Variants in MED31 observed in about 807,000 individuals in gnomAD.
MED31 encodes mediator of RNA polymerase II transcription subunit 31.
Under a neutral mutation model 22.0 loss-of-function variants are expected in MED31, and 11 were observed. The observed-to-expected ratio is 0.50, with a 90% CI of 0.31 to 0.83. The LOEUF is 0.83. MED31 is among the 40% of genes least tolerant of loss of function. MED31 has a pLI of 0.04. For missense variants in MED31, 122 were observed against 155.3 expected, an observed-to-expected ratio of 0.79 and a Z score of 1.14; for synonymous variants, 60 against 55.1, an observed-to-expected ratio of 1.09 and a Z score of -0.40.
At position 6,648,364 on chromosome 17, in the gene MED31, T is replaced by C. The variant is rs74852178; in HGVS notation, c.203+1618A>G. Among the ~76,000 whole-genome samples, 585 of 152,252 alleles carry C rather than the reference T, an allele frequency of 3.8e-3. 6 individuals are homozygous for C. The highest frequency in any genetic ancestry group is 0.013 in the African/African-American group (550 of 41,544). ...TTGAGAAAAATAGATGGAAGAGAGATGTTATAGTGGCACCTACTGGCTATC... is the reference window on the plus strand; with the variant it reads ...TTGAGAAAAATAGATGGAAGAGAGACGTTATAGTGGCACCTACTGGCTATC... On this transcript the variant is annotated intron_variant, in intron 3 of 3. Transcript: ENST00000225728.
intron 3 of MED31, among the ~76,000 whole-genome samples, 189 bp from the exon 4 acceptor site, chr17:6,644,848 T>C (rs2240277): frequency 0.7 from 106,007 of 152,110 alleles, 37,826 homozygotes; most frequent in African/African-American, 0.87. Context: ...TTTTCGAAAA[T>C]GAGAAGGTTT....
At position 6,643,841 on chromosome 17, in the gene MED31, A is replaced by G. The variant is rs1229199149; in HGVS notation, c.*626T>C. On this transcript the variant is annotated 3_prime_UTR_variant, in exon 4 of 4. Transcript: ENST00000225728. ...ATTTGAGGCTCCTCATGTTTGTTCT[A>G]AAGTCAAGAGTCCAGTTAGTAACTA... 1 of 342,594 alleles carries G rather than the reference A, an allele frequency of 2.9e-6. No individual in the cohort carries two copies. Among genetic ancestry groups the G allele is most frequent in the African/African-American group, 2.1e-5 (1 of 47,452 alleles). The allele number at this position is 342,594 out of a possible 1,614,324, so 21.2% of individuals were successfully genotyped here. A position where few individuals can be genotyped will look rare whatever the true frequency, so the allele number is the denominator to read the frequency against.
chr17:6,646,596 T>C (rs1355733950), intron 3 of MED31, among the ~76,000 whole-genome samples: 1 of 152,236 alleles, frequency 6.6e-6, no homozygotes, highest in Non-Finnish European at 1.5e-5. Context: ...GTTAACAATA[T>C]GTTTGCAGGC....
At position 6,644,370 on chromosome 17, in the gene MED31, A is replaced by C. The variant is rs1972738211; in HGVS notation, c.*97T>G. 9.5e-6 allele frequency: 13 copies of C among 1,368,548 alleles called. No homozygotes were observed. Among genetic ancestry groups the C allele is most frequent in the Non-Finnish European group, 1.3e-5 (13 of 1,027,570 alleles). 84.8% of individuals were successfully genotyped at this position (1,368,548 alleles called of 1,614,324 possible). ...TAAAGGTTCTAGGGGCTACCATAAT[A>C]AAGGTAGATAGGAAGAGTTTTCATT... On this transcript the variant is annotated 3_prime_UTR_variant, in exon 4 of 4. Transcript: ENST00000225728.
chr17:6,649,801 C>T (rs1272160499), intron 3 of MED31, 181 bp downstream of exon 3: 2 of 552,578 alleles, frequency 3.6e-6, no homozygotes, highest in East Asian at 3.9e-5. Flanking sequence ...AGTGGAAGCA[C>T]AGATAACCAG....
intron 3 of MED31, among the ~76,000 whole-genome samples, chr17:6,647,775 G>C (rs1972784032): frequency 6.6e-6 from 1 of 152,198 alleles, no homozygotes; most frequent in South Asian, 2.1e-4. Flanking sequence ...GTTCCAGCCA[G>C]GTGGCCTTTA....
rs1567603587 is a variant in MED31, at chr17:6,651,528, TAACA to T, written c.-4_-1del. 1 of 1,614,050 alleles carries T rather than the reference TAACA, an allele frequency of 6.2e-7. No individual in the cohort carries two copies. The highest frequency in any genetic ancestry group is 8.5e-7 in the Non-Finnish European group (1 of 1,179,970). Reference sequence around the variant, plus strand: ...GTCTCCATAGCGACAGCAGCGGCCATAACAAACGAAGACACCAAAACGCCACCAG... The same window carrying T: ...GTCTCCATAGCGACAGCAGCGGCCATAACGAAGACACCAAAACGCCACCAG... On this transcript the variant is annotated 5_prime_UTR_variant, in exon 1 of 4. Coordinates refer to ENST00000225728, the MANE Select transcript of MED31 (RefSeq NM_016060.3).
chr17:6,644,185 A>G lies in MED31; in HGVS notation c.*282T>C. 2.2e-6 allele frequency: 1 copy of G among 461,808 alleles called. No homozygotes were observed. Among genetic ancestry groups the G allele is most frequent in the Non-Finnish European group, 3.8e-6 (1 of 264,484 alleles). The allele number at this position is 461,808 out of a possible 1,614,324, so 28.6% of individuals were successfully genotyped here. On this transcript the variant is annotated 3_prime_UTR_variant, in exon 4 of 4. Coordinates refer to ENST00000225728, the MANE Select transcript of MED31 (RefSeq NM_016060.3). ...CCCCTACCCCATGCCCCAGTGCCTT[A>G]TTTGGTCTAAAGCACCTAACTTTTC...
chr17:6,651,425 AAGG>A, intron 1 of MED31, 73 bp downstream of exon 1: 2 of 1,581,750 alleles, frequency 1.3e-6, no homozygotes, highest in Non-Finnish European at 1.7e-6. Context: ...TAAGGCCTGG[AAGG>A]AGGCCACGGG....
intron 3 of MED31, among the ~76,000 whole-genome samples, chr17:6,645,904 T>C (rs976741198): frequency 6.6e-6 from 1 of 152,166 alleles, no homozygotes; most frequent in Admixed American, 6.5e-5. Flanking sequence ...AAGATACTTA[T>C]TAAATACACA....
intron 3 of MED31, among the ~76,000 whole-genome samples, chr17:6,645,960 C>T (rs994361375): frequency 6.6e-6 from 1 of 152,158 alleles, no homozygotes; most frequent in African/African-American, 2.4e-5. Flanking sequence ...CGGTACCACC[C>T]TCAACCAAGT....
At chr17:6,645,586 T>C (rs1972756294) in intron 3 of MED31, among the ~76,000 whole-genome samples, 1 of 152,226 alleles carries the variant, frequency 6.6e-6, no homozygotes, top group Non-Finnish European at 1.5e-5. Context: ...AGGAGCCAAC[T>C]TGAAGGGCCT....
rs57965628 is a variant in MED31, at chr17:6,651,120, C to CAAAAAAAAAAAAAAAAAAAAAAAAA, written c.28+380_28+381insTTTTTTTTTTTTTTTTTTTTTTTTT. 1.0e-3 allele frequency among the ~76,000 whole-genome samples: 51 copies of CAAAAAAAAAAAAAAAAAAAAAAAAA among 48,962 alleles called. 1 individual carries two copies. Among genetic ancestry groups the CAAAAAAAAAAAAAAAAAAAAAAAAA allele is most frequent in the Middle Eastern group, 0.015 (1 of 66 alleles). 32.1% of individuals were successfully genotyped at this position (48,962 alleles called of 152,430 possible). A position where few individuals can be genotyped will look rare whatever the true frequency, so the allele number is the denominator to read the frequency against. On this transcript the variant is annotated intron_variant, in intron 1 of 3. Coordinates refer to ENST00000225728, the MANE Select transcript of MED31 (RefSeq NM_016060.3). ...TGGGCGACAGAGCCAGACGCTGTCT[C>CAAAAAAAAAAAAAAAAAAAAAAAAA]AAAAAAAAAAAAAAAAAGAAGCACC...
At chr17:6,649,839 T>TA in intron 3 of MED31, 143 bp downstream of exon 3, 2 of 799,596 alleles carry the variant, frequency 2.5e-6, no homozygotes, top group Non-Finnish European at 3.6e-6. Flanking sequence ...TGTTACAAGT[T>TA]AGAGATGAGG....
chr17:6,645,441 G>A (rs996727629), intron 3 of MED31, among the ~76,000 whole-genome samples: 23 of 152,294 alleles, frequency 1.5e-4, no homozygotes, highest in African/African-American at 5.3e-4. Context: ...CCAGACTGTG[G>A]TTTCCAAGGA....
chr17:6,646,616 G>C (rs972802924), intron 3 of MED31, among the ~76,000 whole-genome samples: 7 of 152,200 alleles, frequency 4.6e-5, no homozygotes, highest in African/African-American at 1.4e-4. Flanking sequence ...CAGTATGCTT[G>C]GTAAAAGCCA....
chr17:6,645,074 AAG>A (rs1347677007), intron 3 of MED31, among the ~76,000 whole-genome samples: 1 of 152,226 alleles, frequency 6.6e-6, no homozygotes, highest in Non-Finnish European at 1.5e-5. Context: ...GTGAGTGTGA[AAG>A]AGGACTATGC....
Position 6,649,811 on chromosome 17 carries a change from G to C in MED31, c.203+171C>G, listed in dbSNP as rs935103881. 43 of 600,964 alleles carry C rather than the reference G, an allele frequency of 7.2e-5. 1 individual carries two copies. The Admixed American group carries it at 1.4e-3, about 19-fold the overall frequency. 37.2% of individuals were successfully genotyped at this position (600,964 alleles called of 1,614,324 possible). ...GTAAAAGTGGAAGCACAGATAACCA[G>C]GGAGTAGATTACTGCAGTGTTACAA... On this transcript the variant is annotated intron_variant, in intron 3 of 3. Transcript: ENST00000225728.
At chr17:6,649,664 A>G (rs1972807175) in intron 3 of MED31, among the ~76,000 whole-genome samples, 1 of 152,238 alleles carries the variant, frequency 6.6e-6, no homozygotes, top group South Asian at 2.1e-4. Flanking sequence ...ATGGAAAGCC[A>G]TTGAAAGGTT....
Sources: gnomAD v4.1 joint callset for allele counts (sites outside exome capture counted in the v4.1 genomes callset) on GRCh38, gnomAD v4.1.1 for gene constraint, MANE v1.5 for transcripts, NCBI Gene and HGNC (gene_info 2026-07-23, HGNC 2026-07-21) for gene names.